Variants in MYCBP2 observed in about 807,000 individuals in gnomAD.
MYCBP2 encodes E3 ubiquitin-protein ligase MYCBP2.
Under a neutral mutation model 525.3 loss-of-function variants are expected in MYCBP2, and 120 were observed. That is an observed-to-expected ratio of 0.23 (90% CI 0.20 to 0.27). MYCBP2 has a LOEUF of 0.27. Ranked by LOEUF, MYCBP2 falls within the 10% of genes least tolerant of loss-of-function variation. The pLI is 1.00. For synonymous variants in MYCBP2, 1,894 were observed against 1,955.8 expected, an observed-to-expected ratio of 0.97 and a Z score of 0.83; for missense variants, 4,149 against 5,657.1, an observed-to-expected ratio of 0.73 and a Z score of 8.55.
intron 65 of MYCBP2, among the ~76,000 whole-genome samples, chr13:77,080,308 T>TC (rs2043079319): frequency 6.6e-6 from 1 of 152,164 alleles, no homozygotes; most frequent in African/African-American, 2.4e-5. Flanking sequence ...CCACTGTGGC[T>TC]CTTCCTGAGA....
In MYCBP2 at chr13:77,139,227, T is replaced by C. The variant is rs1166903838; in HGVS notation, c.7628A>G (p.His2543Arg). ...TEAWCLSFNQ[H>R]LGKSLLVPVD... ...AGGGACCAGAAGACTCTTGCCAAGA[T>C]GTTGATTAAAAGAGAGGCACCAGGC... The change falls in exon 52 of 83, where the codon CAT becomes CGT. Residue 2543 changes from histidine (H) to arginine (R), a missense_variant. His to Arg is a conservative substitution (Grantham distance 29). This residue lies in a region of MYCBP2 where 692 missense variants were observed against 852.7 expected (regional missense o/e 0.81). Transcript: ENST00000544440. 8 of 1,613,814 alleles carry C rather than the reference T, an allele frequency of 5.0e-6. No homozygotes were observed. Among genetic ancestry groups the C allele is most frequent in the South Asian group, 1.1e-5 (1 of 91,050 alleles).
At chr13:77,065,522 T>C (rs1484557133) in intron 72 of MYCBP2, among the ~76,000 whole-genome samples, 1 of 152,184 alleles carries the variant, frequency 6.6e-6, no homozygotes, top group East Asian at 1.9e-4. Context: ...CCAGGCATTC[T>C]GTAAAGTAAC....
chr13:77,166,205 T>C (rs1239538602), intron 41 of MYCBP2, 124 bp downstream of exon 41: 2 of 705,928 alleles, frequency 2.8e-6, no homozygotes, highest in East Asian at 2.7e-5. Context: ...GCAATCCAGA[T>C]ACATAGTAGG....
At chr13:77,314,305 G>T (rs1025735360) in intron 1 of MYCBP2, among the ~76,000 whole-genome samples, 1 of 152,144 alleles carries the variant, frequency 6.6e-6, no homozygotes, top group Non-Finnish European at 1.5e-5. Flanking sequence ...ACAAAAACCT[G>T]CACACAGATG....
chr13:77,258,635 T>C lies in MYCBP2; in HGVS notation c.2018-806A>G, dbSNP rs145680205. ...GGCCTTCACTTTCACCTTTCACTAGTTTAGGTCTTTTTGTTAATTATACCT... is the reference window on the plus strand; with the variant it reads ...GGCCTTCACTTTCACCTTTCACTAGCTTAGGTCTTTTTGTTAATTATACCT... On this transcript the variant is annotated intron_variant, in intron 13 of 82. Transcript: ENST00000544440. Among the ~76,000 whole-genome samples the C allele has an allele frequency of 1.1e-3, 164 of 152,286 alleles. 1 individual carries two copies. The highest frequency in any genetic ancestry group is 5.3e-4 in the Non-Finnish European group (36 of 68,014).
At position 77,306,253 on chromosome 13, in the gene MYCBP2, C is replaced by A. The variant is rs1332681446; in HGVS notation, c.303-9579G>T. 2.0e-5 allele frequency among the ~76,000 whole-genome samples: 3 copies of A among 152,240 alleles called. No individual in the cohort carries two copies. In the East Asian group the frequency reaches 5.8e-4, roughly 29 times the overall value. ...GAAGCTTTTCCATAGAAGCCAGATT[C>A]ATTCTGTGTAATTAATGTAATGATA... On this transcript the variant is annotated intron_variant, in intron 1 of 82. Coordinates refer to ENST00000544440, the MANE Select transcript of MYCBP2 (RefSeq NM_015057.5).
At chr13:77,306,589 A>C (rs2079449885) in intron 1 of MYCBP2, among the ~76,000 whole-genome samples, 1 of 152,218 alleles carries the variant, frequency 6.6e-6, no homozygotes, top group African/African-American at 2.4e-5. Flanking sequence ...TGAGGGGAAG[A>C]GAACTCTCTG....
chr13:77,217,803 A>G (rs2065028572), intron 21 of MYCBP2, 37 bp downstream of exon 21: 3 of 1,299,936 alleles, frequency 2.3e-6, no homozygotes, highest in South Asian at 1.3e-5. Context: ...AGGCAATGGT[A>G]TAATGCAATA....
intron 1 of MYCBP2, among the ~76,000 whole-genome samples, chr13:77,312,125 T>C (rs2080322261): frequency 1.3e-5 from 2 of 152,082 alleles, no homozygotes; most frequent in African/African-American, 4.8e-5. Context: ...AAGCATCTAC[T>C]CGGAATTATA....
rs915527559 is a variant in MYCBP2 at position 77,327,076 on chromosome 13, C to T, written c.-301G>A. On this transcript the variant is annotated 5_prime_UTR_variant, in exon 1 of 83. Transcript: ENST00000544440. ...GCTACCACCGCCACCACCGCCGGGG[C>T]TACCCGCAATGGGAAGCTGCCGGCC... 2 of 439,598 alleles carry T rather than the reference C, an allele frequency of 4.5e-6. No individual in the cohort carries two copies. Among genetic ancestry groups the T allele is most frequent in the East Asian group, 7.1e-5 (2 of 28,284 alleles). The allele number at this position is 439,598 out of a possible 1,614,324, so 27.2% of individuals were successfully genotyped here.
intron 1 of MYCBP2, among the ~76,000 whole-genome samples, chr13:77,299,229 T>C: frequency 6.6e-6 from 1 of 152,192 alleles, no homozygotes; most frequent in Middle Eastern, 3.2e-3. Flanking sequence ...ATTTTCCCAA[T>C]TAGAGACCAA....
intron 12 of MYCBP2, 87 bp downstream of exon 12, chr13:77,261,084 T>C: frequency 9.6e-7 from 1 of 1,046,952 alleles, no homozygotes; most frequent in Non-Finnish European, 1.4e-6. Context: ...GTTATTGAAA[T>C]TCATAAACTT....
intron 19 of MYCBP2, 21 bp downstream of exon 19, chr13:77,225,414 C>T (rs1220489550): frequency 6.2e-7 from 1 of 1,613,066 alleles, no homozygotes; most frequent in Non-Finnish European, 8.5e-7. Flanking sequence ...CGCAGTTATA[C>T]CCTAAAGTTC....
intron 80 of MYCBP2, among the ~76,000 whole-genome samples, chr13:77,054,230 A>C (rs2037401515): frequency 6.6e-6 from 1 of 152,164 alleles, no homozygotes; most frequent in South Asian, 2.1e-4. Context: ...GTGCAATGGC[A>C]TGGGGGTGTC....
chr13:77,168,647 C>CTAG lies in MYCBP2; in HGVS notation c.5896-4_5896-2dup, dbSNP rs774039793. ...CAAGGCCAAAGACTTCTACAGCCAC[C>CTAG]TAGTACACATATAAAAATATGGTTA... On this transcript the variant is annotated splice_acceptor_variant, in intron 39 of 82. Coordinates refer to ENST00000544440, the MANE Select transcript of MYCBP2 (RefSeq NM_015057.5). LOFTEE classifies it high-confidence loss of function. The CTAG allele has an allele frequency of 6.2e-7, 1 of 1,613,798 alleles. No individual in the cohort carries two copies. Among genetic ancestry groups the CTAG allele is most frequent in the Non-Finnish European group, 8.5e-7 (1 of 1,179,802 alleles).
Position 77,273,687 on chromosome 13 carries a change from T to A in MYCBP2, c.749-19A>T, listed in dbSNP as rs1192691047. On this transcript the variant is annotated intron_variant, in intron 4 of 82. Coordinates refer to ENST00000544440, the MANE Select transcript of MYCBP2 (RefSeq NM_015057.5). Reference sequence around the variant, plus strand: ...AGAGACTCTGTGGATAAAATAGAATTCAATTATATTCATCCAACATACGGA... The same window carrying A: ...AGAGACTCTGTGGATAAAATAGAATACAATTATATTCATCCAACATACGGA... The A allele has an allele frequency of 4.8e-6, 7 of 1,445,912 alleles. No homozygotes were observed. Among genetic ancestry groups the A allele is most frequent in the Non-Finnish European group, 6.4e-6 (7 of 1,093,632 alleles). The allele number at this position is 1,445,912 out of a possible 1,614,324, so 89.6% of individuals were successfully genotyped here. A position where few individuals can be genotyped will look rare whatever the true frequency, so the allele number is the denominator to read the frequency against.
chr13:77,217,987 T>C, intron 20 of MYCBP2, 30 bp from the exon 21 acceptor site: 1 of 1,437,446 alleles, frequency 7.0e-7, no homozygotes, highest in Non-Finnish European at 9.6e-7. Context: ...AGTAAGTCAA[T>C]TTCTTACAAA....
intron 65 of MYCBP2, among the ~76,000 whole-genome samples, chr13:77,079,690 A>T (rs1040113474): frequency 9.9e-5 from 15 of 152,088 alleles, no homozygotes; most frequent in Non-Finnish European, 1.8e-4. Context: ...TGGATTAGGG[A>T]TTTTTTAGGA....
At chr13:77,172,157 C>G (rs1040586627) in intron 37 of MYCBP2, among the ~76,000 whole-genome samples, 8 of 152,120 alleles carry the variant, frequency 5.3e-5, no homozygotes, top group African/African-American at 1.9e-4. Context: ...TCTTGGACTC[C>G]CAAAGTGCTG....
Sources: gnomAD v4.1 joint callset for allele counts (sites outside exome capture counted in the v4.1 genomes callset) on GRCh38, gnomAD v4.1.1 for gene constraint, gnomAD v4.1.1 regional missense constraint, MANE v1.5 for transcripts, NCBI Gene and HGNC (gene_info 2026-07-23, HGNC 2026-07-21) for gene names.